Variants in FGGY observed in about 807,000 individuals in gnomAD.
The protein encoded by FGGY is FGGY carbohydrate kinase domain-containing protein.
Under a neutral mutation model 71.3 loss-of-function variants are expected in FGGY, and 72 were observed. The observed-to-expected ratio is 1.01, with a 90% CI of 0.84 to 1.23. The LOEUF (loss-of-function observed/expected upper bound fraction) is 1.23, where lower values mean the gene tolerates loss of function less well. Ranked by LOEUF, FGGY falls within the 50% of genes most tolerant of loss-of-function variation. FGGY has a pLI of 0.00. For synonymous variants in FGGY, 251 were observed against 250.3 expected, an observed-to-expected ratio of 1.00 and a Z score of -0.02; for missense variants, 668 against 682.3, an observed-to-expected ratio of 0.98 and a Z score of 0.23.
intron 5 of FGGY, among the ~76,000 whole-genome samples, chr1:59,423,546 C>T (rs190489545): frequency 5.9e-5 from 9 of 152,280 alleles, no homozygotes; most frequent in East Asian, 1.9e-4. Flanking sequence ...CTCTGCTTTC[C>T]GGCCCACTTT....
chr1:59,452,575 C>T (rs2091291506), intron 5 of FGGY, among the ~76,000 whole-genome samples: 2 of 152,188 alleles, frequency 1.3e-5, no homozygotes, highest in Admixed American at 1.3e-4. Context: ...GTGAACTACT[C>T]CCATTAAGTT....
At chr1:59,360,608 A>G (rs1308872587) in intron 4 of FGGY, among the ~76,000 whole-genome samples, 1 of 152,196 alleles carries the variant, frequency 6.6e-6, no homozygotes, top group Non-Finnish European at 1.5e-5. Context: ...ACTATTATGT[A>G]TCAGAAGGTA....
At chr1:59,450,816 G>T (rs545410555) in intron 5 of FGGY, among the ~76,000 whole-genome samples, 4 of 151,834 alleles carry the variant, frequency 2.6e-5, no homozygotes, top group South Asian at 2.1e-4. Flanking sequence ...AAATATTTTT[G>T]ATCTTGATTC....
intron 14 of FGGY, among the ~76,000 whole-genome samples, chr1:59,721,421 C>T (rs1229790627): frequency 1.4e-5 from 2 of 143,942 alleles, no homozygotes; most frequent in African/African-American, 2.6e-5. Context: ...TCACTGCAGC[C>T]TCCACCTCCT....
intron 11 of FGGY, among the ~76,000 whole-genome samples, chr1:59,652,906 G>A (rs1305464710): frequency 6.6e-6 from 1 of 152,200 alleles, no homozygotes; most frequent in Non-Finnish European, 1.5e-5. Context: ...GGTCTTTGAT[G>A]ATGGTGGTGT....
intron 4 of FGGY, among the ~76,000 whole-genome samples, chr1:59,371,991 T>A (rs1469130491): frequency 6.6e-6 from 1 of 151,654 alleles, no homozygotes; most frequent in Non-Finnish European, 1.5e-5. Flanking sequence ...ACATCACAAT[T>A]AAAAGAACTA....
chr1:59,525,274 T>C (rs1337635613), intron 7 of FGGY, among the ~76,000 whole-genome samples: 1 of 152,108 alleles, frequency 6.6e-6, no homozygotes, highest in African/African-American at 2.4e-5. Flanking sequence ...TGGGTCACCC[T>C]TGGTAGGTGT....
intron 6 of FGGY, among the ~76,000 whole-genome samples, chr1:59,508,216 C>T (rs2094440930): frequency 6.6e-6 from 1 of 152,198 alleles, no homozygotes; most frequent in Non-Finnish European, 1.5e-5. Context: ...ACACATTTCA[C>T]CTTTCTAGCA....
chr1:59,565,606 C>T (rs2095862511), intron 8 of FGGY, among the ~76,000 whole-genome samples: 1 of 152,124 alleles, frequency 6.6e-6, no homozygotes, highest in African/African-American at 2.4e-5. Flanking sequence ...GATAGGTTTG[C>T]CACTCAGGCA....
intron 3 of FGGY, among the ~76,000 whole-genome samples, chr1:59,343,050 A>T (rs1256255332): frequency 2.0e-5 from 3 of 152,070 alleles, no homozygotes; most frequent in Non-Finnish European, 2.9e-5. Context: ...TCTCAGCCAT[A>T]GGAGCTCTTG....
chr1:59,620,685 T>C (rs1253310137), intron 9 of FGGY, among the ~76,000 whole-genome samples: 1 of 152,088 alleles, frequency 6.6e-6, no homozygotes, highest in East Asian at 1.9e-4. Context: ...TTTTGCATTA[T>C]TTTTTAATGG....
At chr1:59,744,304 TC>T (rs776437890) in intron 14 of FGGY, among the ~76,000 whole-genome samples, 4 of 152,174 alleles carry the variant, frequency 2.6e-5, no homozygotes, top group Admixed American at 6.5e-5. Context: ...CACTGCAACC[TC>T]CGCCTTCTGG....
chr1:59,334,821 T>C (rs952401405), intron 2 of FGGY, among the ~76,000 whole-genome samples: 3 of 152,256 alleles, frequency 2.0e-5, no homozygotes, highest in African/African-American at 7.2e-5. Flanking sequence ...AACTGGTCGC[T>C]CATGCTTTTT....
intron 1 of FGGY, among the ~76,000 whole-genome samples, chr1:59,314,930 G>C (rs114759815): frequency 6.6e-6 from 1 of 152,166 alleles, no homozygotes; most frequent in South Asian, 2.1e-4. Context: ...CTATGTGTGT[G>C]ATGTTGTTTT....
chr1:59,532,845 A>G (rs1387934797), intron 7 of FGGY, among the ~76,000 whole-genome samples: 2 of 152,232 alleles, frequency 1.3e-5, no homozygotes, highest in East Asian at 3.8e-4. Flanking sequence ...TAGATGATAC[A>G]ATTATACACA....
chr1:59,436,814 C>A (rs780404245), intron 5 of FGGY, among the ~76,000 whole-genome samples: 13 of 152,136 alleles, frequency 8.5e-5, no homozygotes, highest in Non-Finnish European at 1.8e-4. Flanking sequence ...AGGGAAAGTA[C>A]TTTGGCTTTT....
At chr1:59,589,388 A>T (rs557953427) in intron 8 of FGGY, among the ~76,000 whole-genome samples, 3 of 152,174 alleles carry the variant, frequency 2.0e-5, no homozygotes, top group Non-Finnish European at 4.4e-5. Context: ...CGAGACAGAA[A>T]GTTAACAAGG....
intron 8 of FGGY, among the ~76,000 whole-genome samples, chr1:59,573,291 A>G (rs1407908283): frequency 2.6e-5 from 4 of 152,180 alleles, no homozygotes; most frequent in South Asian, 2.1e-4. Flanking sequence ...AATTGTATCT[A>G]TGTATACTTC....
At chr1:59,331,308 C>T (rs1036765889) in intron 2 of FGGY, among the ~76,000 whole-genome samples, 1 of 152,148 alleles carries the variant, frequency 6.6e-6, no homozygotes, top group African/African-American at 2.4e-5. Context: ...AGCTGGGATG[C>T]TACGTAGGTA....
Sources: gnomAD v4.1 joint callset for allele counts (sites outside exome capture counted in the v4.1 genomes callset) on GRCh38, gnomAD v4.1.1 for gene constraint, MANE v1.5 for transcripts, NCBI Gene and HGNC (gene_info 2026-07-23, HGNC 2026-07-21) for gene names.